The following BNC2 variants were observed in gnomAD, a reference collection of about 807,000 sequenced individuals.
BNC2 encodes the protein zinc finger protein basonuclin-2.
BNC2 carries 20 observed loss-of-function variants against 76.3 expected under a neutral mutation model. The ratio of observed to expected loss-of-function variants is 0.26; its 90% CI spans 0.18 to 0.38. BNC2 has a LOEUF of 0.38. Ranked by LOEUF, BNC2 falls within the 10% of genes least tolerant of loss-of-function variation. The pLI, the probability that BNC2 is intolerant of heterozygous loss-of-function variation, is 1.00. For synonymous variants in BNC2, 582 were observed against 514.8 expected (o/e 1.13, Z -1.77); for missense variants, 1,382 against 1,399.8 (o/e 0.99, Z 0.20).
At chr9:16,553,639 T>C (rs563265170) in intron 4 of BNC2, among the ~76,000 whole-genome samples, 143 of 152,312 alleles carry the variant, frequency 9.4e-4, no homozygotes, top group Non-Finnish European at 1.8e-3. Context: ...AGGATGACCA[T>C]TCTCAGAGTA....
At chr9:16,517,801 C>T (rs1022948846) in intron 5 of BNC2, among the ~76,000 whole-genome samples, 2 of 152,070 alleles carry the variant, frequency 1.3e-5, no homozygotes, top group African/African-American at 4.8e-5. Context: ...TAACCATATA[C>T]ATTTTTATTT....
At chr9:16,727,408 A>G (rs1413699477) in intron 3 of BNC2, 2 of 199,622 alleles carry the variant, frequency 1.0e-5, no homozygotes, top group Non-Finnish European at 2.0e-5. Context: ...TGCGGAACCT[A>G]CTCCGAGAGA....
At chr9:16,813,543 G>A (rs891484970) in intron 1 of BNC2, among the ~76,000 whole-genome samples, 4 of 152,088 alleles carry the variant, frequency 2.6e-5, no homozygotes, top group African/African-American at 9.7e-5. Flanking sequence ...GGGATTACAG[G>A]CGTGAGCCAC....
At chr9:16,555,177 CCTGA>C (rs112247807) in intron 4 of BNC2, among the ~76,000 whole-genome samples, 15,187 of 151,840 alleles carry the variant, frequency 0.1, 1,163 homozygotes, top group African/African-American at 0.21. Flanking sequence ...CACCACCACG[CCTGA>C]CTAATTTTTT....
chr9:16,739,900 T>C (rs1179184127), intron 1 of BNC2, among the ~76,000 whole-genome samples: 19 of 151,958 alleles, frequency 1.3e-4, no homozygotes, highest in Non-Finnish European at 1.0e-4. Flanking sequence ...ATATAGCAAG[T>C]TTAGTATGGG....
chr9:16,463,939 T>C (rs923519707), intron 5 of BNC2, among the ~76,000 whole-genome samples: 1 of 151,628 alleles, frequency 6.6e-6, no homozygotes, highest in African/African-American at 2.4e-5. Flanking sequence ...CTACTTAAAA[T>C]ACAAAAATTG....
At chr9:16,712,308 T>C (rs1241468023) in intron 3 of BNC2, among the ~76,000 whole-genome samples, 1 of 152,202 alleles carries the variant, frequency 6.6e-6, no homozygotes, top group Admixed American at 6.5e-5. Context: ...TATAAAAAGA[T>C]GGTGACATCC....
chr9:16,481,601 C>T (rs976283068), intron 5 of BNC2, among the ~76,000 whole-genome samples: 4 of 152,152 alleles, frequency 2.6e-5, no homozygotes, highest in African/African-American at 9.7e-5. Context: ...GACCAAGGAC[C>T]CACCAATTCC....
At chr9:16,755,162 T>G (rs984921879) in intron 1 of BNC2, among the ~76,000 whole-genome samples, 3 of 152,142 alleles carry the variant, frequency 2.0e-5, no homozygotes, top group Non-Finnish European at 4.4e-5. Flanking sequence ...TGGAAATAAC[T>G]GAAAATATTT....
chr9:16,676,562 C>A (rs1170955708), intron 3 of BNC2, among the ~76,000 whole-genome samples: 1 of 152,184 alleles, frequency 6.6e-6, no homozygotes. Context: ...CATTCTCTCA[C>A]AGAAATATTG....
intron 3 of BNC2, among the ~76,000 whole-genome samples, chr9:16,593,541 T>C (rs1344541831): frequency 6.6e-6 from 1 of 152,120 alleles, no homozygotes; most frequent in East Asian, 1.9e-4. Context: ...CGTGTGTGTG[T>C]GTGTGTTTCA....
At chr9:16,817,964 T>C (rs566950078) in intron 1 of BNC2, among the ~76,000 whole-genome samples, 9 of 152,260 alleles carry the variant, frequency 5.9e-5, no homozygotes, top group African/African-American at 9.6e-5. Context: ...TTCATAAGCA[T>C]TGTTTGTGTT....
intron 5 of BNC2, among the ~76,000 whole-genome samples, chr9:16,493,613 G>C (rs1332970267): frequency 1.3e-5 from 2 of 152,166 alleles, no homozygotes; most frequent in Non-Finnish European, 2.9e-5. Flanking sequence ...GCTATGTGCA[G>C]ACTGAGACTA....
rs545820921 is a variant in BNC2, at chr9:16,854,777, A to T, written c.3+15869T>A. ...TGCTTGAGAATATTAACGTATCTAA[A>T]GAAAGAGAAATTTGTCTATCACAAG... On this transcript the variant is annotated intron_variant, in intron 1 of 6. Transcript: ENST00000380672. Among the ~76,000 whole-genome samples the T allele has an allele frequency of 5.6e-4, 85 of 152,070 alleles. 1 individual carries two copies. In the South Asian group the frequency reaches 0.017, roughly 30 times the overall value.
At chr9:16,640,333 T>C (rs1821456774) in intron 3 of BNC2, among the ~76,000 whole-genome samples, 1 of 152,174 alleles carries the variant, frequency 6.6e-6, no homozygotes, top group Non-Finnish European at 1.5e-5. Context: ...ACATTTCATA[T>C]CCAGATCATC....
At chr9:16,419,852 G>A (rs994029870) in intron 6 of BNC2, among the ~76,000 whole-genome samples, 9 of 152,064 alleles carry the variant, frequency 5.9e-5, no homozygotes, top group Non-Finnish European at 1.3e-4. Context: ...TGCAATCAGG[G>A]GAACTTTCCA....
chr9:16,543,656 CA>C (rs1563832571), intron 5 of BNC2, among the ~76,000 whole-genome samples: 2 of 152,288 alleles, frequency 1.3e-5, no homozygotes, highest in Admixed American at 1.3e-4. Flanking sequence ...ACTCTGAGCA[CA>C]AAACATCAAG....
chr9:16,723,456 T>C (rs1321923950), intron 3 of BNC2, among the ~76,000 whole-genome samples: 2 of 151,278 alleles, frequency 1.3e-5, no homozygotes, highest in African/African-American at 2.4e-5. Flanking sequence ...ATACTATATA[T>C]ATATATGCCT....
chr9:16,412,479 G>A lies in BNC2; in HGVS notation c.*6510C>T, dbSNP rs1308915959. ...TGCAGGAAAATTTGCTCTAATTATA[G>A]GGCCACACCCATTACTCTCAAGATG... On this transcript the variant is annotated 3_prime_UTR_variant, in exon 7 of 7. Transcript: ENST00000380672. The A allele has an allele frequency of 1.3e-5, 2 of 152,404 alleles. No individual in the cohort carries two copies. Among genetic ancestry groups the A allele is most frequent in the African/African-American group, 4.8e-5 (2 of 41,408 alleles). The allele number at this position is 152,404 out of a possible 1,614,324, so 9.4% of individuals were successfully genotyped here.
Sources: gnomAD v4.1 joint callset for allele counts (sites outside exome capture counted in the v4.1 genomes callset) on GRCh38, gnomAD v4.1.1 for gene constraint, MANE v1.5 for transcripts, NCBI Gene and HGNC (gene_info 2026-07-23, HGNC 2026-07-21) for gene names.